PRKN: variants seen among roughly 807,000 people sequenced by gnomAD.
PRKN encodes E3 ubiquitin-protein ligase parkin.
A neutral mutation model predicts 59.5 loss-of-function variants in PRKN; 56 were observed. That is an observed-to-expected ratio of 0.94 (90% CI 0.76 to 1.18). The LOEUF is 1.18. Ranked by LOEUF, PRKN falls within the 50% of genes most tolerant of loss-of-function variation. The pLI is 0.00. For missense variants in PRKN, 657 were observed against 596.4 expected (o/e 1.10, Z -1.06); for synonymous variants, 250 against 222.1 (o/e 1.13, Z -1.12).
intron 9 of PRKN, among the ~76,000 whole-genome samples, chr6:161,514,036 G>A (rs754091421): frequency 2.6e-5 from 4 of 151,770 alleles, no homozygotes; most frequent in South Asian, 2.1e-4. Flanking sequence ...CAGGAATTAC[G>A]ATCTTCTCAA....
chr6:162,432,892 C>T (rs1789604583), intron 2 of PRKN, among the ~76,000 whole-genome samples: 1 of 152,132 alleles, frequency 6.6e-6, no homozygotes, highest in South Asian at 2.1e-4. Flanking sequence ...AATAAAATTT[C>T]ACATACAGAT....
chr6:161,894,216 TGTG>T, intron 6 of PRKN, among the ~76,000 whole-genome samples: 1 of 152,316 alleles, frequency 6.6e-6, no homozygotes, highest in Non-Finnish European at 1.5e-5. Context: ...ACAATCTTTC[TGTG>T]GCCACTGCCT....
rs79486573 is a variant in PRKN at position 161,581,579 on chromosome 6, C to G, written c.872-12163G>C. 6.4e-3 allele frequency among the ~76,000 whole-genome samples: 975 copies of G among 152,218 alleles called. 29 individuals are homozygous for G. The East Asian group carries it at 0.079, about 12-fold the overall frequency. On this transcript the variant is annotated intron_variant, in intron 7 of 11. Coordinates refer to ENST00000366898, the MANE Select transcript of PRKN (RefSeq NM_004562.3). The surrounding 1 kb of genome is among the most constrained non-coding windows in gnomAD (Gnocchi z 4.5). ...GTTTGAGTCACTGGACAATCAGAAG[C>G]AAAGACTTACTTATGGACAAGGTGA...
chr6:162,707,697 C>A (rs1335386342), intron 1 of PRKN, among the ~76,000 whole-genome samples: 2 of 152,114 alleles, frequency 1.3e-5, no homozygotes, highest in Admixed American at 1.3e-4. Context: ...GCCTCAGCCT[C>A]CTGAGTAGCT....
chr6:161,629,085 G>A (rs1783200406), intron 7 of PRKN, among the ~76,000 whole-genome samples: 1 of 152,196 alleles, frequency 6.6e-6, no homozygotes, highest in Admixed American at 6.5e-5. Context: ...TGGCGTCTTC[G>A]TGGAGCATGG....
chr6:162,394,287 G>A (rs572455530), intron 2 of PRKN, among the ~76,000 whole-genome samples: 41 of 152,284 alleles, frequency 2.7e-4, no homozygotes, highest in East Asian at 2.1e-3. Flanking sequence ...AAGTGAGAGC[G>A]TTCTGCTTTC....
intron 6 of PRKN, among the ~76,000 whole-genome samples, chr6:161,803,699 T>C (rs1003875709): frequency 6.6e-6 from 1 of 152,190 alleles, no homozygotes; most frequent in Non-Finnish European, 1.5e-5. Flanking sequence ...TGACCTTCTG[T>C]ACAGTTACCG....
chr6:161,488,834 C>T lies in PRKN; in HGVS notation c.1083+60020G>A, dbSNP rs1777436891. Among the ~76,000 whole-genome samples, 1 of 151,936 alleles carries T rather than the reference C, an allele frequency of 6.6e-6. No homozygotes were observed. The highest frequency in any genetic ancestry group is 1.5e-5 in the Non-Finnish European group (1 of 68,006). ...TCTTGACTACTAAGAGACTAGGGGA[C>T]CATGAAAGAAAACAGTACATTAACC... On this transcript the variant is annotated intron_variant, in intron 9 of 11. Coordinates refer to ENST00000366898, the MANE Select transcript of PRKN (RefSeq NM_004562.3). The surrounding 1 kb of genome is among the most constrained non-coding windows in gnomAD (Gnocchi z 4.5).
rs190474580 is a variant in PRKN at position 161,459,371 on chromosome 6, T to C, written c.1084-72494A>G. 5.8e-3 allele frequency among the ~76,000 whole-genome samples: 877 copies of C among 152,352 alleles called. 10 individuals carry two copies. Among genetic ancestry groups the C allele is most frequent in the African/African-American group, 0.02 (850 of 41,586 alleles). On this transcript the variant is annotated intron_variant, in intron 9 of 11. Transcript: ENST00000366898. The surrounding 1 kb of genome is among the most constrained non-coding windows in gnomAD (Gnocchi z 4.8). ...CCAGAATATGGTGTGAATTAAGTAA[T>C]TCATTTGGTTTTAGTTTACTTTTGA...
At chr6:161,970,074 C>T (rs1488799113) in intron 6 of PRKN, among the ~76,000 whole-genome samples, 2 of 152,116 alleles carry the variant, frequency 1.3e-5, no homozygotes, top group Non-Finnish European at 2.9e-5. Context: ...GACAGGGTCT[C>T]ACTTTGTCAC....
rs530157389 is a variant in PRKN, at chr6:161,926,274, C to A, written c.734+47028G>T. Reference sequence around the variant, plus strand: ...AGACTCATACTTATATACCTAAATACGCAGGTCAAGACCTGGGCGAATTTC... The same window carrying A: ...AGACTCATACTTATATACCTAAATAAGCAGGTCAAGACCTGGGCGAATTTC... On this transcript the variant is annotated intron_variant, in intron 6 of 11. Transcript: ENST00000366898. 1.2e-4 allele frequency among the ~76,000 whole-genome samples: 18 copies of A among 152,198 alleles called. 1 individual carries two copies. The South Asian group carries it at 3.5e-3, about 30-fold the overall frequency.
At chr6:161,967,787 T>C (rs982218066) in intron 6 of PRKN, among the ~76,000 whole-genome samples, 1 of 152,188 alleles carries the variant, frequency 6.6e-6, no homozygotes, top group African/African-American at 2.4e-5. Context: ...TTAGCATTTA[T>C]GCATTTTCCT....
Position 161,782,500 on chromosome 6 carries a change from C to A in PRKN, c.871+3272G>T, listed in dbSNP as rs116133579. On this transcript the variant is annotated intron_variant, in intron 7 of 11. Coordinates refer to ENST00000366898, the MANE Select transcript of PRKN (RefSeq NM_004562.3). ...ATTTACCTTTGGGAGAGAAAGAGAA[C>A]GTAGATAAAGGGTGTATTTCTTTGA... Among the ~76,000 whole-genome samples, 13 of 151,920 alleles carry A rather than the reference C, an allele frequency of 8.6e-5. 1 individual carries two copies. Among genetic ancestry groups the A allele is most frequent in the Admixed American group, 6.6e-4 (10 of 15,258 alleles).
intron 2 of PRKN, among the ~76,000 whole-genome samples, chr6:162,425,454 TTAAATTAC>T (rs1789190196): frequency 6.6e-6 from 1 of 152,132 alleles, no homozygotes; most frequent in Non-Finnish European, 1.5e-5. Flanking sequence ...ACAGATATCA[TTAAATTAC>T]TATTTTTCAA....
chr6:161,353,016 G>T lies in PRKN; in HGVS notation c.1286-2805C>A, dbSNP rs531247557. 6.6e-6 allele frequency among the ~76,000 whole-genome samples: 1 copy of T among 152,064 alleles called. No homozygotes were observed. The highest frequency in any genetic ancestry group is 2.4e-5 in the African/African-American group (1 of 41,446). On this transcript the variant is annotated intron_variant, in intron 11 of 11. Transcript: ENST00000366898. The surrounding 1 kb of genome is among the most constrained non-coding windows in gnomAD (Gnocchi z 4.8). ...GCTGGTCTCAAACTCCTGACCTCGT[G>T]ATCTGCCTGCCTTGGCCTCCCAAAG...
chr6:161,806,346 A>G (rs1164932706), intron 6 of PRKN, among the ~76,000 whole-genome samples: 1 of 152,188 alleles, frequency 6.6e-6, no homozygotes, highest in Non-Finnish European at 1.5e-5. Context: ...TCCCGAACAC[A>G]GGACAGAGGC....
intron 1 of PRKN, among the ~76,000 whole-genome samples, chr6:162,525,438 C>A (rs955342144): frequency 6.6e-6 from 1 of 152,140 alleles, no homozygotes; most frequent in East Asian, 1.9e-4. Flanking sequence ...CTGGCCACAT[C>A]GCTCACTCCC....
chr6:162,418,527 A>C lies in PRKN; in HGVS notation c.171+24783T>G, dbSNP rs190844903. ...ATCAACAAAGTTGAGGCCAGCACTC[A>C]AAGAGATTGCAGAACAAGAATTGGA... On this transcript the variant is annotated intron_variant, in intron 2 of 11. Transcript: ENST00000366898. Among the ~76,000 whole-genome samples the C allele has an allele frequency of 3.5e-3, 530 of 152,214 alleles. 1 individual carries two copies. The highest frequency in any genetic ancestry group is 0.012 in the African/African-American group (508 of 41,546).
chr6:161,753,932 T>C (rs1788802001), intron 7 of PRKN, among the ~76,000 whole-genome samples: 2 of 151,998 alleles, frequency 1.3e-5, no homozygotes, highest in African/African-American at 4.8e-5. Context: ...GGTCAGAGGG[T>C]AAGCTATGAA....
Sources: gnomAD v4.1 joint callset for allele counts (sites outside exome capture counted in the v4.1 genomes callset) on GRCh38, gnomAD v4.1.1 for gene constraint, Gnocchi (gnomAD v3.1) non-coding constraint, MANE v1.5 for transcripts, NCBI Gene and HGNC (gene_info 2026-07-23, HGNC 2026-07-21) for gene names.